FLT1: variants seen among roughly 807,000 people sequenced by gnomAD.
FLT1 encodes fms related receptor tyrosine kinase 1.
A neutral mutation model predicts 156.3 loss-of-function variants in FLT1; 49 were observed. That is an observed-to-expected ratio of 0.31 (90% CI 0.25 to 0.40). The LOEUF is 0.40. Ranked by LOEUF, FLT1 falls within the 10% of genes least tolerant of loss-of-function variation. FLT1 has a pLI of 1.00. For synonymous variants in FLT1, 594 were observed against 583.8 expected (o/e 1.02, Z -0.25); for missense variants, 1,322 against 1,637.2 (o/e 0.81, Z 3.32).
chr13:28,300,745 T>C lies in FLT1; in HGVS notation c.*2422A>G, dbSNP rs550993978. On this transcript the variant is annotated 3_prime_UTR_variant, in exon 30 of 30. Coordinates refer to ENST00000282397, the MANE Select transcript of FLT1 (RefSeq NM_002019.4). ...GACTTGCACATGGTTTCAGCCCCAT[T>C]CCACCCAGACTGTTCCACGTACATT... 18 of 233,298 alleles carry C rather than the reference T, an allele frequency of 7.7e-5. No individual in the cohort carries two copies. The South Asian group carries it at 3.1e-3, about 40-fold the overall frequency. 14.5% of individuals were successfully genotyped at this position (233,298 alleles called of 1,614,324 possible).
chr13:28,393,271 G>C (rs1174656566), intron 12 of FLT1, among the ~76,000 whole-genome samples: 1 of 152,146 alleles, frequency 6.6e-6, no homozygotes, highest in Non-Finnish European at 1.5e-5. Context: ...TGCATACTTG[G>C]GGGTAGATAT....
At chr13:28,387,546 A>C in intron 13 of FLT1, 2 of 1,063,064 alleles carry the variant, frequency 1.9e-6, no homozygotes, top group Non-Finnish European at 2.3e-6. Context: ...ATAGCTGCCC[A>C]CCAGGTTCTT....
At chr13:28,351,128 T>A (rs756069583) in intron 15 of FLT1, among the ~76,000 whole-genome samples, 1 of 152,084 alleles carries the variant, frequency 6.6e-6, no homozygotes. Context: ...CTGAAACAAA[T>A]CAGATTTGGA....
intron 10 of FLT1, among the ~76,000 whole-genome samples, chr13:28,406,606 A>G (rs982097486): frequency 2.7e-5 from 4 of 148,584 alleles, no homozygotes; most frequent in Non-Finnish European, 5.9e-5. Context: ...GATTCTACAG[A>G]TTTTTTAAAC....
chr13:28,330,707 T>C (rs1397588996), intron 18 of FLT1, among the ~76,000 whole-genome samples: 1 of 151,188 alleles, frequency 6.6e-6, no homozygotes, highest in Non-Finnish European at 1.5e-5. Flanking sequence ...TTTATTTCTT[T>C]TTATTTTTTA....
intron 14 of FLT1, among the ~76,000 whole-genome samples, chr13:28,375,478 C>T (rs537386899): frequency 1.3e-5 from 2 of 152,088 alleles, no homozygotes; most frequent in Admixed American, 1.3e-4. Flanking sequence ...TTGGCAATGT[C>T]AACAGGTTAG....
chr13:28,381,148 A>C (rs1414353259), intron 14 of FLT1, among the ~76,000 whole-genome samples: 1 of 152,150 alleles, frequency 6.6e-6, no homozygotes, highest in Admixed American at 6.5e-5. Flanking sequence ...CCCACTTCCA[A>C]ATTATAAAAA....
intron 29 of FLT1, among the ~76,000 whole-genome samples, chr13:28,306,374 GTCT>G (rs1870750230): frequency 6.6e-6 from 1 of 152,148 alleles, no homozygotes; most frequent in African/African-American, 2.4e-5. Flanking sequence ...GCGTGTCTCT[GTCT>G]GCACCACGCA....
intron 13 of FLT1, chr13:28,388,836 G>A (rs924263921): frequency 8.5e-6 from 9 of 1,061,836 alleles, no homozygotes; most frequent in Non-Finnish European, 1.0e-5. Flanking sequence ...ACATGATGAA[G>A]TTCCTTAAAA....
intron 1 of FLT1, among the ~76,000 whole-genome samples, chr13:28,474,180 G>A (rs902967544): frequency 6.6e-6 from 1 of 152,132 alleles, no homozygotes; most frequent in Admixed American, 6.5e-5. Flanking sequence ...AACAGGCCGG[G>A]CATGGTGGCT....
intron 15 of FLT1, among the ~76,000 whole-genome samples, chr13:28,351,464 T>C (rs1438087542): frequency 1.3e-5 from 2 of 152,190 alleles, no homozygotes; most frequent in African/African-American, 4.8e-5. Context: ...GCCATCTCCT[T>C]CTATGTAAAA....
At chr13:28,442,074 T>C (rs944690862) in intron 3 of FLT1, among the ~76,000 whole-genome samples, 7 of 152,190 alleles carry the variant, frequency 4.6e-5, no homozygotes, top group African/African-American at 1.7e-4. Context: ...GTGGGTGTAG[T>C]AACATATGCA....
intron 1 of FLT1, among the ~76,000 whole-genome samples, chr13:28,485,690 T>C (rs927898291): frequency 2.0e-5 from 3 of 152,186 alleles, no homozygotes; most frequent in African/African-American, 7.2e-5. Context: ...GCATCTGAGC[T>C]GGGCTTGCTT....
chr13:28,344,892 C>T (rs1057321707), intron 16 of FLT1, among the ~76,000 whole-genome samples: 4 of 147,176 alleles, frequency 2.7e-5, no homozygotes, highest in African/African-American at 1.0e-4. Flanking sequence ...CACTTGACCT[C>T]CCAGGCTAAA....
chr13:28,407,577 G>A (rs1350651022), intron 10 of FLT1, among the ~76,000 whole-genome samples: 2 of 152,100 alleles, frequency 1.3e-5, no homozygotes, highest in Non-Finnish European at 1.5e-5. Flanking sequence ...CAATAATTCC[G>A]TGGTGGTGTT....
chr13:28,371,900 T>C (rs1431671240), intron 14 of FLT1, among the ~76,000 whole-genome samples: 1 of 151,582 alleles, frequency 6.6e-6, no homozygotes, highest in Non-Finnish European at 1.5e-5. Flanking sequence ...TTTGTTAAAT[T>C]TGTTGCCTGT....
chr13:28,374,961 T>C (rs1873781153), intron 14 of FLT1, among the ~76,000 whole-genome samples: 1 of 152,094 alleles, frequency 6.6e-6, no homozygotes, highest in African/African-American at 2.4e-5. Flanking sequence ...CGAATAGATG[T>C]TTGTGTTGAC....
Position 28,322,309 on chromosome 13 carries a change from A to G in FLT1, c.3004T>C (p.Tyr1002His). 1 of 1,613,616 alleles carries G rather than the reference A, an allele frequency of 6.2e-7. No homozygotes were observed. The highest frequency in any genetic ancestry group is 8.5e-7 in the Non-Finnish European group (1 of 1,179,536). The change falls in exon 22 of 30, where the codon TAC becomes CAC. Residue 1002 changes from tyrosine to histidine, a missense_variant. Physicochemically the swap from Tyr to His is moderately conservative, Grantham distance 83. This residue lies in a region of FLT1 where 991 missense variants were observed against 1,254.8 expected (regional missense o/e 0.79). Coordinates refer to ENST00000282397, the MANE Select transcript of FLT1 (RefSeq NM_002019.4). This position sits in a 1 kb window ranked among gnomAD's most constrained non-coding sequence, Gnocchi z 4.3. Reference sequence around the variant, plus strand: ...ATGCCTCTGGCCACTTGAAAACTGTAAGAAATCAGATCTTCCATAGTGATG... The same window carrying G: ...ATGCCTCTGGCCACTTGAAAACTGTGAGAAATCAGATCTTCCATAGTGATG... ...EPITMEDLIS[Y>H]SFQVARGMEF... is the part of the protein sequence containing the mutation.
chr13:28,484,689 A>G (rs1449538916), intron 1 of FLT1, among the ~76,000 whole-genome samples: 2 of 152,134 alleles, frequency 1.3e-5, no homozygotes, highest in Admixed American at 1.3e-4. Flanking sequence ...GGGAAAGACT[A>G]GCACAGTCCC....
Sources: allele counts gnomAD v4.1 joint callset (sites outside exome capture counted in the v4.1 genomes callset), GRCh38; gene constraint gnomAD v4.1.1; regional missense constraint gnomAD v4.1.1; non-coding constraint Gnocchi (gnomAD v3.1); transcripts MANE v1.5; gene names NCBI Gene and HGNC (gene_info 2026-07-23, HGNC 2026-07-21).